The following SLC38A8 variants were observed in gnomAD, a reference collection of about 807,000 sequenced individuals.
The protein encoded by SLC38A8 is solute carrier family 38 member 8.
A neutral mutation model predicts 46.0 loss-of-function variants in SLC38A8; 65 were observed. The observed-to-expected ratio is 1.41, with a 90% CI of 1.16 to 1.74. SLC38A8 has a LOEUF of 1.74. Among genes scored for constraint, SLC38A8 ranks in the 40% most tolerant of loss-of-function variants. SLC38A8 has a pLI of 0.00. For missense variants in SLC38A8, 998 were observed against 567.9 expected (o/e 1.76, Z -7.70); for synonymous variants, 447 against 243.7 (o/e 1.83, Z -7.77).
intron 2 of SLC38A8, 73 bp downstream of exon 2, chr16:84,041,896 T>C (rs2085370974): frequency 4.3e-6 from 6 of 1,379,592 alleles, no homozygotes; most frequent in Non-Finnish European, 5.9e-6. Context: ...GCAGAAGCAA[T>C]GCGAGGAACC....
At chr16:84,013,416 G>C (rs1221670941) in intron 9 of SLC38A8, among the ~76,000 whole-genome samples, 1 of 113,260 alleles carries the variant, frequency 8.8e-6, no homozygotes, top group Non-Finnish European at 1.7e-5. Flanking sequence ...TTCTTTTGTT[G>C]TGTGTGTGTT....
At chr16:84,026,350 C>G (rs2085164430) in intron 6 of SLC38A8, among the ~76,000 whole-genome samples, 1 of 152,184 alleles carries the variant, frequency 6.6e-6, no homozygotes. Context: ...ATTCAGCCTC[C>G]CAAGTAGCTG....
intron 2 of SLC38A8, 81 bp downstream of exon 2, chr16:84,041,888 A>G (rs1279696667): frequency 7.7e-7 from 1 of 1,304,962 alleles, no homozygotes; most frequent in Non-Finnish European, 1.1e-6. Flanking sequence ...GCAACTCCGC[A>G]GAAGCAATGC....
intron 9 of SLC38A8, among the ~76,000 whole-genome samples, chr16:84,014,088 G>A (rs1455266280): frequency 6.6e-6 from 1 of 152,042 alleles, no homozygotes; most frequent in African/African-American, 2.4e-5. Context: ...CAGAGCTGAG[G>A]GAGGAGATGC....
Position 84,009,693 on chromosome 16 carries a change from A to T in SLC38A8, c.*91T>A, listed in dbSNP as rs1478669275. The T allele has an allele frequency of 9.0e-7, 1 of 1,108,954 alleles. No homozygotes were observed. The highest frequency in any genetic ancestry group is 1.6e-5 in the African/African-American group (1 of 62,874). The allele number at this position is 1,108,954 out of a possible 1,614,324, so 68.7% of individuals were successfully genotyped here. On this transcript the variant is annotated 3_prime_UTR_variant, in exon 11 of 11. Coordinates refer to ENST00000299709, the MANE Select transcript of SLC38A8 (RefSeq NM_001080442.3). Reference sequence around the variant, plus strand: ...CAGTCTCTCCAGCATCTTTATGAGGAAAAGAAATGGCATCGGTCTCCTGGC... The same window carrying T: ...CAGTCTCTCCAGCATCTTTATGAGGTAAAGAAATGGCATCGGTCTCCTGGC...
intron 10 of SLC38A8, among the ~76,000 whole-genome samples, chr16:84,011,334 G>A (rs992910169): frequency 1.3e-5 from 2 of 152,190 alleles, no homozygotes; most frequent in Non-Finnish European, 2.9e-5. Context: ...AGCATCCCAG[G>A]GAATGAGCGG....
intron 5 of SLC38A8, among the ~76,000 whole-genome samples, chr16:84,031,552 G>A (rs1395026788): frequency 6.6e-6 from 1 of 150,482 alleles, no homozygotes; most frequent in African/African-American, 2.4e-5. Flanking sequence ...CATGCAGCTG[G>A]ATGGCTGCCA....
At chr16:84,040,702 A>C (rs2085357403) in intron 2 of SLC38A8, among the ~76,000 whole-genome samples, 2 of 152,266 alleles carry the variant, frequency 1.3e-5, no homozygotes, top group African/African-American at 4.8e-5. Context: ...TACCATTTCC[A>C]GTGGGGCTCA....
chr16:84,029,679 A>C (rs554390334), intron 5 of SLC38A8, 128 bp from the exon 6 acceptor site: 1 of 931,374 alleles, frequency 1.1e-6, no homozygotes, highest in Admixed American at 2.3e-5. Context: ...TGTATTTTTA[A>C]TGACTGTGTC....
At position 84,026,869 on chromosome 16, in the gene SLC38A8, G is replaced by A. The variant is rs546724251; in HGVS notation, c.690+2625C>T. Reference sequence around the variant, plus strand: ...CAGACAGACAAGAAGTGCAAGAGCTGCGGGCAGAGGTGGAGAATGGAGAGT... The same window carrying A: ...CAGACAGACAAGAAGTGCAAGAGCTACGGGCAGAGGTGGAGAATGGAGAGT... On this transcript the variant is annotated intron_variant, in intron 6 of 10. Coordinates refer to ENST00000299709, the MANE Select transcript of SLC38A8 (RefSeq NM_001080442.3). Among the ~76,000 whole-genome samples, 4 of 152,298 alleles carry A rather than the reference G, an allele frequency of 2.6e-5. No individual in the cohort carries two copies. In the East Asian group the frequency reaches 7.7e-4, roughly 29 times the overall value.
At chr16:84,012,824 C>G (rs570746289) in intron 10 of SLC38A8, among the ~76,000 whole-genome samples, 177 bp downstream of exon 10, 61 of 152,336 alleles carry the variant, frequency 4.0e-4, no homozygotes, top group African/African-American at 1.3e-3. Context: ...GGCCCGGGCT[C>G]CTATCCTGGC....
intron 7 of SLC38A8, 138 bp downstream of exon 7, chr16:84,022,637 C>G (rs2085107801): frequency 1.5e-6 from 1 of 672,498 alleles, no homozygotes; most frequent in East Asian, 3.0e-5. Context: ...CCTATGCACA[C>G]TAAGGATTAA....
intron 10 of SLC38A8, among the ~76,000 whole-genome samples, chr16:84,011,542 G>A (rs1463448349): frequency 6.6e-6 from 1 of 152,224 alleles, no homozygotes; most frequent in Non-Finnish European, 1.5e-5. Context: ...ATTCACGATT[G>A]CTGCCATTTA....
rs751579357 is a variant in SLC38A8 at position 84,017,128 on chromosome 16, G to C, written c.953+12C>G. On this transcript the variant is annotated intron_variant, in intron 8 of 10. Coordinates refer to ENST00000299709, the MANE Select transcript of SLC38A8 (RefSeq NM_001080442.3). ...CATGCTTCACGGTGCCCCCCACTGA[G>C]CCAGGCCTCACCTCCCCAGGAAGAG... The C allele has an allele frequency of 6.2e-7, 1 of 1,613,834 alleles. No homozygotes were observed. The highest frequency in any genetic ancestry group is 8.5e-7 in the Non-Finnish European group (1 of 1,179,914).
chr16:84,039,837 C>G (rs1486045036), intron 2 of SLC38A8: 2 of 151,160 alleles, frequency 1.3e-5, no homozygotes, highest in Non-Finnish European at 2.9e-5. Context: ...GACAGGGTCA[C>G]AAGAGGGACT....
At chr16:84,022,509 T>C (rs1397086897) in intron 7 of SLC38A8, among the ~76,000 whole-genome samples, 2 of 152,170 alleles carry the variant, frequency 1.3e-5, no homozygotes, top group African/African-American at 2.4e-5. Flanking sequence ...AGCACGGGCT[T>C]TGGAGACGGC....
intron 3 of SLC38A8, among the ~76,000 whole-genome samples, chr16:84,036,260 A>C (rs534037193): frequency 6.6e-6 from 1 of 152,394 alleles, no homozygotes; most frequent in South Asian, 2.1e-4. Flanking sequence ...GTGAAAATGA[A>C]AATAGGACAT....
intron 9 of SLC38A8, 35 bp from the exon 10 acceptor site, chr16:84,013,087 T>C (rs2151111757): frequency 1.2e-6 from 2 of 1,613,318 alleles, no homozygotes; most frequent in Non-Finnish European, 1.7e-6. Flanking sequence ...CAGTTCTTCG[T>C]TATCAAACCC....
chr16:84,014,642 G>A (rs774928754), intron 9 of SLC38A8, among the ~76,000 whole-genome samples: 10 of 152,342 alleles, frequency 6.6e-5, no homozygotes, highest in Admixed American at 1.3e-4. Context: ...AGCAGAGTGG[G>A]TGGCTGTTCT....
Sources: allele counts gnomAD v4.1 joint callset (sites outside exome capture counted in the v4.1 genomes callset), GRCh38; gene constraint gnomAD v4.1.1; transcripts MANE v1.5; gene names NCBI Gene and HGNC (gene_info 2026-07-23, HGNC 2026-07-21).